The following CADM1 variants were observed in gnomAD, a reference collection of about 807,000 sequenced individuals.
CADM1 encodes the protein cell adhesion molecule 1.
CADM1 carries 15 observed loss-of-function variants against 53.1 expected under a neutral mutation model. The ratio of observed to expected loss-of-function variants is 0.28; its 90% CI spans 0.19 to 0.44. The LOEUF is 0.44. Ranked by LOEUF, CADM1 falls within the 20% of genes least tolerant of loss-of-function variation. The pLI, the probability that CADM1 is intolerant of heterozygous loss-of-function variation, is 1.00. For missense variants in CADM1, 434 were observed against 611.3 expected (o/e 0.71, Z 3.06); for synonymous variants, 281 against 243.0 (o/e 1.16, Z -1.45).
chr11:115,441,455 C>T (rs188434544), intron 1 of CADM1, among the ~76,000 whole-genome samples: 40 of 152,228 alleles, frequency 2.6e-4, no homozygotes, highest in Admixed American at 2.0e-3. Flanking sequence ...AACTGTAACT[C>T]CTATGTGGAA....
intron 5 of CADM1, among the ~76,000 whole-genome samples, chr11:115,226,027 G>A (rs1941593123): frequency 4.0e-5 from 6 of 151,872 alleles, no homozygotes; most frequent in Admixed American, 3.9e-4. Flanking sequence ...TATTTACTCG[G>A]AGTAGACTCT....
chr11:115,434,566 T>G (rs1948134832), intron 1 of CADM1, among the ~76,000 whole-genome samples: 1 of 152,162 alleles, frequency 6.6e-6, no homozygotes, highest in South Asian at 2.1e-4. Context: ...AAAACAGAGA[T>G]GAGAACAGTT....
intron 9 of CADM1, among the ~76,000 whole-genome samples, chr11:115,197,439 C>A (rs1940211821): frequency 4.2e-4 from 1 of 2,362 alleles, no homozygotes; most frequent in Admixed American, 8.6e-3. Context: ...AAATTCAGCC[C>A]AGTTTTAAAC....
chr11:115,492,905 CTTTT>C lies in CADM1; in HGVS notation c.124+11362_124+11365del, dbSNP rs966384471. On this transcript the variant is annotated intron_variant, in intron 1 of 11. Coordinates refer to ENST00000331581, the MANE Select transcript of CADM1 (RefSeq NM_001301043.2). ...CATGCAGCTGAAAATTCACATATAA[CTTTT>C]TTTTGAGACAAAGGATATTTTATAC... Among the ~76,000 whole-genome samples the C allele has an allele frequency of 4.0e-5, 6 of 150,352 alleles. No homozygotes were observed. The Admixed American group carries it at 4.0e-4, about 10-fold the overall frequency.
intron 1 of CADM1, among the ~76,000 whole-genome samples, chr11:115,391,760 T>C (rs954998412): frequency 6.6e-6 from 1 of 152,138 alleles, no homozygotes; most frequent in Admixed American, 6.5e-5. Flanking sequence ...CATTCTGACA[T>C]ACAAAGGCCA....
intron 1 of CADM1, among the ~76,000 whole-genome samples, chr11:115,490,179 G>T (rs1003235802): frequency 8.5e-5 from 13 of 152,160 alleles, no homozygotes; most frequent in African/African-American, 3.1e-4. Context: ...AGCAGTAAAT[G>T]AAACAATTAA....
At chr11:115,181,966 C>A (rs564055960) in intron 10 of CADM1, among the ~76,000 whole-genome samples, 41 of 152,312 alleles carry the variant, frequency 2.7e-4, no homozygotes, top group African/African-American at 9.6e-4. Flanking sequence ...AGCATGGCTG[C>A]GACAAAGTCT....
chr11:115,172,003 G>A lies in CADM1; in HGVS notation c.*4471C>T, dbSNP rs1212943537. 6.6e-6 allele frequency: 1 copy of A among 152,246 alleles called. No homozygotes were observed. Among genetic ancestry groups the A allele is most frequent in the Non-Finnish European group, 1.5e-5 (1 of 68,042 alleles). The allele number at this position is 152,246 out of a possible 1,614,324, so 9.4% of individuals were successfully genotyped here. A position where few individuals can be genotyped will look rare whatever the true frequency, so the allele number is the denominator to read the frequency against. On this transcript the variant is annotated 3_prime_UTR_variant, in exon 12 of 12. Transcript: ENST00000331581. ...CCTGTGACTGACATGTAATGAACAA[G>A]TAGTGTGTGTCTGGCACCTTTTTGG...
At chr11:115,273,087 T>G (rs1943348903) in intron 1 of CADM1, among the ~76,000 whole-genome samples, 1 of 152,148 alleles carries the variant, frequency 6.6e-6, no homozygotes, top group African/African-American at 2.4e-5. Context: ...GAAAGCTACT[T>G]AGTCGTCACA....
intron 1 of CADM1, among the ~76,000 whole-genome samples, chr11:115,481,562 G>C (rs1171785081): frequency 3.9e-5 from 6 of 152,144 alleles, no homozygotes; most frequent in Non-Finnish European, 8.8e-5. Context: ...GTGCCACAGA[G>C]TGCTGCTAGG....
intron 1 of CADM1, among the ~76,000 whole-genome samples, chr11:115,468,498 C>T (rs926411209): frequency 6.6e-6 from 1 of 152,102 alleles, no homozygotes; most frequent in South Asian, 2.1e-4. Flanking sequence ...AAGGAATTAA[C>T]AACAGTTTCA....
intron 1 of CADM1, among the ~76,000 whole-genome samples, chr11:115,273,587 T>C (rs191525806): frequency 2.0e-5 from 3 of 152,338 alleles, no homozygotes; most frequent in African/African-American, 7.2e-5. Context: ...TAAATGCCAG[T>C]TACAAAAATA....
chr11:115,480,922 C>A (rs1253792514), intron 1 of CADM1, among the ~76,000 whole-genome samples: 1 of 152,080 alleles, frequency 6.6e-6, no homozygotes, highest in Non-Finnish European at 1.5e-5. Flanking sequence ...TGCCCCCACC[C>A]CTCTCAGCAA....
At chr11:115,469,087 T>C (rs2135387620) in intron 1 of CADM1, among the ~76,000 whole-genome samples, 1 of 152,224 alleles carries the variant, frequency 6.6e-6, no homozygotes, top group East Asian at 1.9e-4. Context: ...CAAGATGAGA[T>C]TTAGGTGGGG....
At chr11:115,252,014 G>C (rs1942621267) in intron 1 of CADM1, among the ~76,000 whole-genome samples, 1 of 152,152 alleles carries the variant, frequency 6.6e-6, no homozygotes, top group Non-Finnish European at 1.5e-5. Flanking sequence ...CTAAGTGTGG[G>C]CTGCTGATTA....
chr11:115,486,957 C>T (rs531718520), intron 1 of CADM1, among the ~76,000 whole-genome samples: 21 of 152,298 alleles, frequency 1.4e-4, no homozygotes, highest in Non-Finnish European at 2.5e-4. Context: ...TGAACCAGTT[C>T]TCTGCTGTGG....
In CADM1 at chr11:115,382,981, A is replaced by C. The variant is rs569654015; in HGVS notation, c.124+121290T>G. ...CATGTATTCCCAAGGAAAATCACAG[A>C]CTCCTTAAAAGCTCTCACAATAGGC... is the stretch of plus-strand genomic sequence containing the variant. On this transcript the variant is annotated intron_variant, in intron 1 of 11. Transcript: ENST00000331581. Among the ~76,000 whole-genome samples, 8 of 152,274 alleles carry C rather than the reference A, an allele frequency of 5.3e-5. No individual in the cohort carries two copies. In the South Asian group the frequency reaches 8.3e-4, roughly 16 times the overall value.
At chr11:115,340,626 TTATATATATATA>T (rs869156485) in intron 1 of CADM1, among the ~76,000 whole-genome samples, 187 of 48,210 alleles carry the variant, frequency 3.9e-3, no homozygotes, top group Middle Eastern at 0.038. Flanking sequence ...ATAATAAATA[TTATATATATATA>T]TATATATATA....
In CADM1 at chr11:115,294,686, C is replaced by T. The variant is rs114958780; in HGVS notation, c.125-54266G>A. On this transcript the variant is annotated intron_variant, in intron 1 of 11. Coordinates refer to ENST00000331581, the MANE Select transcript of CADM1 (RefSeq NM_001301043.2). ...GATTATAAAATTTTCAAAAAGATCT[C>T]AAAAAGCCTAAATAAAAATTTTACT... is the stretch of plus-strand genomic sequence containing the variant. 3.5e-3 allele frequency among the ~76,000 whole-genome samples: 526 copies of T among 152,278 alleles called. 3 individuals are homozygous for T. The highest frequency in any genetic ancestry group is 0.011 in the African/African-American group (476 of 41,562).
Sources: allele counts gnomAD v4.1 joint callset (sites outside exome capture counted in the v4.1 genomes callset), GRCh38; gene constraint gnomAD v4.1.1; transcripts MANE v1.5; gene names NCBI Gene and HGNC (gene_info 2026-07-23, HGNC 2026-07-21).